ANK3: variants seen among roughly 807,000 people sequenced by gnomAD.
The protein encoded by ANK3 is ankyrin 3.
ANK3 carries 57 observed loss-of-function variants against 370.9 expected under a neutral mutation model. That is an observed-to-expected ratio of 0.15 (90% CI 0.12 to 0.19). ANK3 has a LOEUF of 0.19. ANK3 is among the 10% of genes least tolerant of loss of function. The probability of loss-of-function intolerance (pLI) is 1.00; values close to 1 mark genes in which losing one functional copy is unlikely to be tolerated. For synonymous variants in ANK3, 1,929 were observed against 1,946.3 expected (o/e 0.99, Z 0.23); for missense variants, 4,439 against 5,302.1 (o/e 0.84, Z 5.06).
intron 1 of ANK3, among the ~76,000 whole-genome samples, chr10:60,303,086 A>C (rs535355215): frequency 3.9e-5 from 6 of 152,334 alleles, no homozygotes; most frequent in Non-Finnish European, 8.8e-5. Flanking sequence ...TAAATGTAAG[A>C]CCCCAAACCA....
At chr10:60,572,732 A>G in intron 2 of ANK3, 1 of 1,367,910 alleles carries the variant, frequency 7.3e-7, no homozygotes, top group Non-Finnish European at 9.4e-7. Context: ...TTTCCTCAGG[A>G]AGAAACTGGG....
chr10:60,468,998 T>TATATATATATATATAC (rs2065080463), intron 2 of ANK3, among the ~76,000 whole-genome samples: 1 of 23,526 alleles, frequency 4.3e-5, no homozygotes, highest in Non-Finnish European at 8.1e-5. Context: ...TTTTAGTGTG[T>TATATATATATATATAC]ATATATATAT....
intron 2 of ANK3, among the ~76,000 whole-genome samples, chr10:60,501,722 A>G (rs2133144460): frequency 6.6e-6 from 1 of 151,518 alleles, no homozygotes; most frequent in Middle Eastern, 3.4e-3. Flanking sequence ...AAAAAAAAAA[A>G]AGAAAAGAAA....
At chr10:60,725,080 T>G (rs1049121940) in intron 1 of ANK3, among the ~76,000 whole-genome samples, 15 of 152,356 alleles carry the variant, frequency 9.8e-5, no homozygotes, top group Admixed American at 8.5e-4. Flanking sequence ...AAGATGTACT[T>G]TATGTAAGTA....
chr10:60,550,245 A>C (rs2077059736), intron 2 of ANK3, among the ~76,000 whole-genome samples: 1 of 151,826 alleles, frequency 6.6e-6, no homozygotes, highest in African/African-American at 2.4e-5. Flanking sequence ...AAATGTAATA[A>C]TGTGTAAAAA....
intron 2 of ANK3, among the ~76,000 whole-genome samples, chr10:60,490,193 C>T (rs1464130917): frequency 6.6e-6 from 1 of 151,382 alleles, no homozygotes; most frequent in Non-Finnish European, 1.5e-5. Flanking sequence ...GCATGAATGT[C>T]TCAGCTATAA....
intron 2 of ANK3, among the ~76,000 whole-genome samples, chr10:60,510,021 T>C (rs2076040468): frequency 6.6e-6 from 1 of 152,228 alleles, no homozygotes; most frequent in Admixed American, 6.6e-5. Context: ...TCAGACATTA[T>C]ATGAATCCCA....
chr10:60,507,122 A>C (rs1223311644), intron 2 of ANK3, among the ~76,000 whole-genome samples: 1 of 152,110 alleles, frequency 6.6e-6, no homozygotes, highest in Non-Finnish European at 1.5e-5. Context: ...ACATATATGG[A>C]AACATCACAT....
chr10:60,533,966 G>T (rs1247079836), intron 2 of ANK3, among the ~76,000 whole-genome samples: 1 of 152,024 alleles, frequency 6.6e-6, no homozygotes, highest in African/African-American at 2.4e-5. Flanking sequence ...CCTCATTCCA[G>T]TTGGTTTCTT....
intron 25 of ANK3, among the ~76,000 whole-genome samples, chr10:60,121,108 A>T (rs916638429): frequency 3.3e-5 from 5 of 152,244 alleles, no homozygotes; most frequent in African/African-American, 9.6e-5. Context: ...ACAATGGAGT[A>T]TGTACACGCA....
chr10:60,249,671 T>A (rs2097615451), intron 7 of ANK3, among the ~76,000 whole-genome samples: 2 of 152,208 alleles, frequency 1.3e-5, no homozygotes, highest in South Asian at 4.1e-4. Flanking sequence ...CTAAAGTCAG[T>A]CTGTGCCAAC....
intron 2 of ANK3, among the ~76,000 whole-genome samples, chr10:60,462,010 G>A (rs950882916): frequency 2.3e-4 from 35 of 152,196 alleles, no homozygotes; most frequent in African/African-American, 5.3e-4. Flanking sequence ...ACAGGTTTAC[G>A]GATGGGCAAT....
At chr10:60,454,194 A>G (rs2064685360) in intron 2 of ANK3, among the ~76,000 whole-genome samples, 1 of 152,154 alleles carries the variant, frequency 6.6e-6, no homozygotes, top group Non-Finnish European at 1.5e-5. Flanking sequence ...TGTTATGTTG[A>G]CTTGGAGTAG....
At chr10:60,273,742 G>A (rs944005790) in intron 4 of ANK3, among the ~76,000 whole-genome samples, 1 of 152,058 alleles carries the variant, frequency 6.6e-6, no homozygotes, top group Non-Finnish European at 1.5e-5. Flanking sequence ...CATGGGGGGG[G>A]TTTCCCCCAC....
intron 1 of ANK3, among the ~76,000 whole-genome samples, chr10:60,368,035 A>G (rs1035019546): frequency 1.3e-5 from 2 of 152,146 alleles, no homozygotes; most frequent in Admixed American, 1.3e-4. Context: ...CAGCAGTGCA[A>G]TTTCATTGTA....
intron 1 of ANK3, among the ~76,000 whole-genome samples, chr10:60,709,441 C>T (rs911038392): frequency 1.3e-5 from 2 of 152,076 alleles, no homozygotes; most frequent in African/African-American, 4.8e-5. Flanking sequence ...ACTTAGTTAC[C>T]ACTAGACTAC....
At chr10:60,126,612 C>T (rs762488243) in intron 25 of ANK3, among the ~76,000 whole-genome samples, 15 of 151,256 alleles carry the variant, frequency 9.9e-5, no homozygotes, top group African/African-American at 2.7e-4. Context: ...TGCTTGAATC[C>T]GGGAGGTAGA....
intron 2 of ANK3, among the ~76,000 whole-genome samples, chr10:60,434,976 T>G (rs1442257674): frequency 1.9e-4 from 29 of 152,124 alleles, no homozygotes; most frequent in Admixed American, 1.8e-3. Context: ...CAGAAGTAAA[T>G]GAAAAAGTGT....
rs749263078 is a variant in ANK3 at position 60,084,820 on chromosome 10, C to A, written c.3856G>T (p.Ala1286Ser). The change falls in exon 32 of 44, where the codon GCA becomes TCA. Residue 1286 changes from alanine (A) to serine (S), a missense_variant. Ala to Ser is a moderately conservative substitution (Grantham distance 99). Around this residue, in one of 13 missense-constraint regions of ANK3, gnomAD observed 702 missense variants for 941.5 expected, o/e 0.75. Coordinates refer to ENST00000280772, the MANE Select transcript of ANK3 (RefSeq NM_020987.5). ...GTTTCTAAAACTTGATGGCAGTCTG[C>A]AAGCCAAAATCTGAGCAAAACAAAA... is the stretch of plus-strand genomic sequence containing the variant. ...TTNVSARFWL[A>S]DCHQVLETVG... The A allele has an allele frequency of 6.5e-7, 1 of 1,540,970 alleles. No homozygotes were observed. Among genetic ancestry groups the A allele is most frequent in the Admixed American group, 2.2e-5 (1 of 46,350 alleles).
Sources: gnomAD v4.1 joint callset for allele counts (sites outside exome capture counted in the v4.1 genomes callset) on GRCh38, gnomAD v4.1.1 for gene constraint, gnomAD v4.1.1 regional missense constraint, MANE v1.5 for transcripts, NCBI Gene and HGNC (gene_info 2026-07-23, HGNC 2026-07-21) for gene names.